Variants in USP47 observed in about 807,000 individuals in gnomAD.
The protein encoded by USP47 is ubiquitin carboxyl-terminal hydrolase 47.
A neutral mutation model predicts 165.1 loss-of-function variants in USP47; 35 were observed. That is an observed-to-expected ratio of 0.21 (90% CI 0.16 to 0.28). USP47 has a LOEUF of 0.28. Among genes scored for constraint, USP47 ranks in the 10% least tolerant of loss-of-function variants. The pLI, the probability that USP47 is intolerant of heterozygous loss-of-function variation, is 1.00. For missense variants in USP47, 1,277 were observed against 1,607.4 expected (o/e 0.79, Z 3.52); for synonymous variants, 531 against 544.5 (o/e 0.98, Z 0.35).
At chr11:11,943,950 T>G (rs1376164041) in intron 20 of USP47, 1 of 151,934 alleles carries the variant, frequency 6.6e-6, no homozygotes, top group African/African-American at 2.4e-5. Context: ...CATTTAAAGC[T>G]TCTCCAAACT....
intron 25 of USP47, 85 bp from the exon 26 acceptor site, chr11:11,954,812 T>A: frequency 1.4e-6 from 2 of 1,469,270 alleles, no homozygotes; most frequent in Non-Finnish European, 1.9e-6. Context: ...ACTGAGCTAT[T>A]TCTGTTTGTG....
At chr11:11,867,959 T>C (rs1849788401) in intron 1 of USP47, among the ~76,000 whole-genome samples, 1 of 152,132 alleles carries the variant, frequency 6.6e-6, no homozygotes, top group South Asian at 2.1e-4. Flanking sequence ...TGGTTGCACG[T>C]TCTTAGGAGT....
intron 17 of USP47, among the ~76,000 whole-genome samples, chr11:11,936,830 C>G (rs1025767090): frequency 2.0e-5 from 3 of 151,846 alleles, no homozygotes; most frequent in Admixed American, 1.3e-4. Flanking sequence ...ATCAATTGCT[C>G]TCTTAGGAAG....
At chr11:11,869,834 C>T (rs2134238602) in intron 1 of USP47, among the ~76,000 whole-genome samples, 1 of 152,234 alleles carries the variant, frequency 6.6e-6, no homozygotes, top group East Asian at 1.9e-4. Flanking sequence ...AGTGGGTTCA[C>T]CCTCTCTTTC....
chr11:11,939,397 T>C (rs962432833), intron 18 of USP47, among the ~76,000 whole-genome samples: 5 of 151,884 alleles, frequency 3.3e-5, no homozygotes, highest in African/African-American at 1.2e-4. Flanking sequence ...TGAACATTAA[T>C]GAAAAATAAA....
At chr11:11,854,986 T>G (rs1399050799) in intron 1 of USP47, among the ~76,000 whole-genome samples, 1 of 150,846 alleles carries the variant, frequency 6.6e-6, no homozygotes, top group Non-Finnish European at 1.5e-5. Flanking sequence ...TCCCAGCTAC[T>G]CGGGAGGCTG....
At chr11:11,866,080 T>C (rs1433656494) in intron 1 of USP47, among the ~76,000 whole-genome samples, 2 of 152,208 alleles carry the variant, frequency 1.3e-5, no homozygotes, top group Admixed American at 1.3e-4. Context: ...CAAGAAATCA[T>C]TGCCAAATCC....
chr11:11,913,074 C>T (rs1853120222), intron 8 of USP47, among the ~76,000 whole-genome samples: 1 of 151,820 alleles, frequency 6.6e-6, no homozygotes, highest in Non-Finnish European at 1.5e-5. Context: ...TGCTTTCTTC[C>T]TAGGGAATGG....
intron 20 of USP47, among the ~76,000 whole-genome samples, chr11:11,946,403 C>T (rs946617383): frequency 6.6e-6 from 1 of 152,176 alleles, no homozygotes; most frequent in African/African-American, 2.4e-5. Context: ...TGACACAGCA[C>T]TACTAGAGGT....
rs553786951 is a variant in USP47, at chr11:11,846,433, C to CT, written c.39+4211dup. On this transcript the variant is annotated intron_variant, in intron 1 of 27. Coordinates refer to ENST00000527733, the MANE Select transcript of USP47 (RefSeq NM_001282659.2). ...TAAAAATAATACTTAAACTGCAGTA[C>CT]TTAAAGTAGTGCTCATGGACTCTAA... Among the ~76,000 whole-genome samples, 197 of 152,072 alleles carry CT rather than the reference C, an allele frequency of 1.3e-3. 1 individual carries two copies. The highest frequency in any genetic ancestry group is 4.5e-3 in the African/African-American group (187 of 41,508).
At chr11:11,943,823 A>G (rs1270364866) in intron 20 of USP47, 1 of 152,140 alleles carries the variant, frequency 6.6e-6, no homozygotes, top group African/African-American at 2.4e-5. Context: ...ATCTTTCTTC[A>G]AGTGTAAAGG....
At chr11:11,947,348 A>G (rs932732861) in intron 20 of USP47, among the ~76,000 whole-genome samples, 1 of 152,218 alleles carries the variant, frequency 6.6e-6, no homozygotes, top group Non-Finnish European at 1.5e-5. Flanking sequence ...GCCCAACCAC[A>G]TGATAAATCA....
chr11:11,954,831 G>A, intron 25 of USP47, 66 bp from the exon 26 acceptor site: 2 of 1,558,168 alleles, frequency 1.3e-6, no homozygotes, highest in Non-Finnish European at 1.7e-6. Flanking sequence ...TGGGGTAAAA[G>A]GAAAATAACT....
intron 1 of USP47, among the ~76,000 whole-genome samples, chr11:11,862,744 A>G (rs1478024237): frequency 1.3e-5 from 2 of 151,940 alleles, no homozygotes; most frequent in East Asian, 1.9e-4. Context: ...TTTATTAGAG[A>G]TAGGGTCTCG....
Position 11,903,118 on chromosome 11 carries a change from T to A in USP47, c.740-145T>A, listed in dbSNP as rs865823720. 2.8e-5 allele frequency: 22 copies of A among 777,932 alleles called. No individual in the cohort carries two copies. The Middle Eastern group carries it at 3.4e-3, about 121-fold the overall frequency. 48.2% of individuals were successfully genotyped at this position (777,932 alleles called of 1,614,324 possible). A position where few individuals can be genotyped will look rare whatever the true frequency, so the allele number is the denominator to read the frequency against. On this transcript the variant is annotated intron_variant, in intron 6 of 27. Transcript: ENST00000527733. ...TGGCGTGTGATTTCCTTTTCATGAC[T>A]GTCATGTATATTCTTATGTTCTTTT...
chr11:11,948,505 A>C lies in USP47; in HGVS notation c.3295A>C (p.Lys1099Gln). Residue 1099 changes from lysine (K) to glutamine (Q), a missense_variant, in exon 22 of 28, where the codon AAA (lysine) becomes CAA (glutamine). This residue lies in a region of USP47 where 909 missense variants were observed against 1,068.1 expected (regional missense o/e 0.85). Transcript: ENST00000527733. ...KITIRLGRALKKGEYRVKVYQ... is the reference protein window; with the variant it reads ...KITIRLGRALQKGEYRVKVYQ... ...TACAATTAGACTGGGGAGAGCACTT[A>C]AAAAAGGAGAATACAGAGTTAAAGT... 1.2e-6 allele frequency: 2 copies of C among 1,612,678 alleles called. No individual in the cohort carries two copies. Among genetic ancestry groups the C allele is most frequent in the Non-Finnish European group, 1.7e-6 (2 of 1,178,886 alleles).
chr11:11,889,826 C>CA (rs2134364925), intron 3 of USP47, among the ~76,000 whole-genome samples: 1 of 152,216 alleles, frequency 6.6e-6, no homozygotes, highest in South Asian at 2.1e-4. Flanking sequence ...CTACAGTAAT[C>CA]AAAACATCAT....
rs1221223158 is a variant in USP47 at position 11,960,988 on chromosome 11, A to T, written c.*4813A>T. On this transcript the variant is annotated 3_prime_UTR_variant, in exon 28 of 28. Transcript: ENST00000527733. ...GTTCTCCTGCAGGCTATGGTTCATC[A>T]TGCAAATAGCTCCTGTGTCAGAAAT... is the stretch of plus-strand genomic sequence containing the variant. Among the ~76,000 whole-genome samples the T allele has an allele frequency of 6.6e-6, 1 of 152,136 alleles. No homozygotes were observed. The highest frequency in any genetic ancestry group is 1.5e-5 in the Non-Finnish European group (1 of 68,024).
At chr11:11,916,915 T>A (rs547860398) in intron 8 of USP47, among the ~76,000 whole-genome samples, 2 of 152,252 alleles carry the variant, frequency 1.3e-5, no homozygotes, top group South Asian at 4.1e-4. Context: ...TTTGAGAGGC[T>A]GAGGCAGGAG....
Sources: allele counts gnomAD v4.1 joint callset (sites outside exome capture counted in the v4.1 genomes callset), GRCh38; gene constraint gnomAD v4.1.1; regional missense constraint gnomAD v4.1.1; transcripts MANE v1.5; gene names NCBI Gene and HGNC (gene_info 2026-07-23, HGNC 2026-07-21).